Variants in LIMCH1 observed in about 807,000 individuals in gnomAD.
The protein encoded by LIMCH1 is LIM and calponin homology domains 1, also known as LIM and calponin homology domains-containing protein 1.
LIMCH1 carries 113 observed loss-of-function variants against 176.5 expected under a neutral mutation model. That is an observed-to-expected ratio of 0.64 (90% CI 0.55 to 0.75). LIMCH1 has a LOEUF of 0.75. LIMCH1 is among the 30% of genes least tolerant of loss of function. LIMCH1 has a pLI of 0.00. For missense variants in LIMCH1, 1,674 were observed against 1,814.9 expected (o/e 0.92, Z 1.41); for synonymous variants, 619 against 645.9 (o/e 0.96, Z 0.63).
At chr4:41,657,633 G>A (rs2094500531) in intron 18 of LIMCH1, among the ~76,000 whole-genome samples, 1 of 152,128 alleles carries the variant, frequency 6.6e-6, no homozygotes, top group Non-Finnish European at 1.5e-5. Flanking sequence ...CAAATTGCTT[G>A]CTTTTTCTCT....
In LIMCH1 at chr4:41,699,646, T is replaced by C. The variant is rs1031903974; in HGVS notation, c.*2461T>C. 2 of 152,214 alleles carry C rather than the reference T, an allele frequency of 1.3e-5. No homozygotes were observed. Among genetic ancestry groups the C allele is most frequent in the Admixed American group, 6.5e-5 (1 of 15,272 alleles). 9.4% of individuals were successfully genotyped at this position (152,214 alleles called of 1,614,324 possible). ...AAAAACAGGTGAGGCAAGTGAGTGA[T>C]TTATTGTTCCTGAGGAAGTATATCT... On this transcript the variant is annotated 3_prime_UTR_variant, in exon 32 of 32. Coordinates refer to ENST00000503057, the MANE Select transcript of LIMCH1 (RefSeq NM_001330672.2).
At chr4:41,678,118 G>C (rs1663444139) in intron 23 of LIMCH1, among the ~76,000 whole-genome samples, 1 of 151,822 alleles carries the variant, frequency 6.6e-6, no homozygotes, top group African/African-American at 2.4e-5. Context: ...CCAGTGTGTG[G>C]TATTCCCCTC....
chr4:41,524,266 C>A (rs892375504), intron 2 of LIMCH1: 2 of 694,168 alleles, frequency 2.9e-6, no homozygotes, highest in African/African-American at 1.8e-5. Flanking sequence ...TGCATGAAGG[C>A]TGATAGATTA....
At chr4:41,600,900 C>A (rs2089801601) in intron 2 of LIMCH1, among the ~76,000 whole-genome samples, 1 of 152,090 alleles carries the variant, frequency 6.6e-6, no homozygotes, top group South Asian at 2.1e-4. Context: ...GTTACTGTAC[C>A]ATCTTTTTGT....
At chr4:41,615,322 A>G (rs530420890) in intron 5 of LIMCH1, among the ~76,000 whole-genome samples, 5 of 152,294 alleles carry the variant, frequency 3.3e-5, no homozygotes, top group Admixed American at 3.3e-4. Flanking sequence ...CAGAGTTTAA[A>G]CGAATCACAT....
upstream of LIMCH1, chr4:41,359,949 C>T (rs1348130764): frequency 6.6e-6 from 1 of 152,258 alleles, no homozygotes; most frequent in Admixed American, 6.5e-5. Flanking sequence ...TCTGTCCCGG[C>T]CCCCAATTCC....
intron 4 of LIMCH1, among the ~76,000 whole-genome samples, chr4:41,611,839 A>G (rs1158999729): frequency 2.6e-5 from 4 of 152,240 alleles, no homozygotes; most frequent in African/African-American, 4.8e-5. Flanking sequence ...TTGCATTTCC[A>G]AAGAAATTAA....
At chr4:41,559,003 G>GT (rs1236547869) in intron 1 of LIMCH1, among the ~76,000 whole-genome samples, 3 of 151,964 alleles carry the variant, frequency 2.0e-5, no homozygotes, top group Non-Finnish European at 4.4e-5. Context: ...TTTTTGTTTG[G>GT]TTTTGTATTA....
At chr4:41,524,595 C>A in intron 3 of LIMCH1, 1 of 773,106 alleles carries the variant, frequency 1.3e-6, no homozygotes, top group South Asian at 1.5e-5. Context: ...TGAATGAGAA[C>A]GCATTGAATC....
At chr4:41,453,481 A>T (rs1026447992) in intron 1 of LIMCH1, 1 of 152,272 alleles carries the variant, frequency 6.6e-6, no homozygotes, top group Non-Finnish European at 1.5e-5. Context: ...TTAGAAAATC[A>T]TAAGGAAGAG....
chr4:41,500,903 A>G (rs2073149866), intron 2 of LIMCH1, among the ~76,000 whole-genome samples: 1 of 152,218 alleles, frequency 6.6e-6, no homozygotes, highest in Non-Finnish European at 1.5e-5. Flanking sequence ...AGTTTTCGAT[A>G]GAGTGGTTGA....
At chr4:41,560,798 C>T (rs1028306631) in intron 1 of LIMCH1, among the ~76,000 whole-genome samples, 1 of 152,076 alleles carries the variant, frequency 6.6e-6, no homozygotes, top group Admixed American at 6.5e-5. Flanking sequence ...GTAGATGGGT[C>T]ACTTGAGCTT....
chr4:41,537,533 C>T (rs2078085898), upstream of LIMCH1, among the ~76,000 whole-genome samples: 1 of 152,152 alleles, frequency 6.6e-6, no homozygotes, highest in South Asian at 2.1e-4. Context: ...CAATTTCAGG[C>T]ACAAAGATTG....
intron 1 of LIMCH1, among the ~76,000 whole-genome samples, chr4:41,561,779 G>A (rs1319045506): frequency 6.6e-6 from 1 of 152,162 alleles, no homozygotes; most frequent in Non-Finnish European, 1.5e-5. Flanking sequence ...TAGGGGAACA[G>A]CAGAATGGGA....
intron 1 of LIMCH1, among the ~76,000 whole-genome samples, chr4:41,581,805 C>CAAAAAAAAAAAAAAAAAAAAAAAAAAAA (rs56150312): frequency 1.6e-4 from 12 of 76,184 alleles, no homozygotes; most frequent in Non-Finnish European, 2.0e-4. Context: ...GACTCTGTCT[C>CAAAAAAAAAAAAAAAAAAAAAAAAAAAA]AAAAAAAAAA....
chr4:41,396,829 A>G (rs2057852324), intron 1 of LIMCH1, among the ~76,000 whole-genome samples: 1 of 152,024 alleles, frequency 6.6e-6, no homozygotes, highest in African/African-American at 2.4e-5. Flanking sequence ...TGAACCTGGG[A>G]GGCAGAGGTT....
intron 14 of LIMCH1, 132 bp from the exon 15 acceptor site, chr4:41,644,368 G>T (rs2093964912): frequency 3.3e-6 from 4 of 1,204,524 alleles, no homozygotes; most frequent in South Asian, 1.8e-5. Context: ...CCAGTCACGC[G>T]CTGTGCGCAG....
At chr4:41,650,329 G>A (rs2289339) in intron 17 of LIMCH1, 64 bp from the exon 18 acceptor site, 58 of 1,177,896 alleles carry the variant, frequency 4.9e-5, no homozygotes, top group African/African-American at 1.1e-4. Context: ...TGAACGTGTC[G>A]TTTTGTTACA....
intron 13 of LIMCH1, among the ~76,000 whole-genome samples, chr4:41,635,759 A>C (rs915579013): frequency 6.6e-6 from 1 of 152,194 alleles, no homozygotes. Context: ...AGCAGTAAAA[A>C]CACTTTAAGC....
Sources: gnomAD v4.1 joint callset for allele counts (sites outside exome capture counted in the v4.1 genomes callset) on GRCh38, gnomAD v4.1.1 for gene constraint, MANE v1.5 for transcripts, NCBI Gene and HGNC (gene_info 2026-07-23, HGNC 2026-07-21) for gene names.